ORC3: variants seen among roughly 807,000 people sequenced by gnomAD.
ORC3 encodes origin recognition complex subunit 3.
Under a neutral mutation model 100.7 loss-of-function variants are expected in ORC3, and 78 were observed. That is an observed-to-expected ratio of 0.77 (90% CI 0.65 to 0.94). ORC3 has a LOEUF of 0.94. Ranked by LOEUF, ORC3 falls within the 40% of genes least tolerant of loss-of-function variation. The probability of loss-of-function intolerance (pLI) is 0.00; values close to 1 mark genes in which losing one functional copy is unlikely to be tolerated. For missense variants in ORC3, 789 were observed against 823.9 expected (o/e 0.96, Z 0.52); for synonymous variants, 295 against 289.3 (o/e 1.02, Z -0.20).
chr6:87,617,895 C>A (rs1168145369), intron 9 of ORC3, among the ~76,000 whole-genome samples: 1 of 152,082 alleles, frequency 6.6e-6, no homozygotes, highest in East Asian at 1.9e-4. Context: ...GCAGTGGTTT[C>A]TTTGGCTAAT....
At chr6:87,611,063 A>G (rs925475891) in intron 7 of ORC3, among the ~76,000 whole-genome samples, 10 of 151,192 alleles carry the variant, frequency 6.6e-5, no homozygotes, top group African/African-American at 7.3e-5. Context: ...CAGGTCCCCA[A>G]GTAGCTAGGA....
the ORC3 span, among the ~76,000 whole-genome samples, chr6:87,676,162 A>C: frequency 3.4e-5 from 3 of 89,044 alleles, no homozygotes; most frequent in Non-Finnish European, 6.2e-5. Context: ...AGATTTATTT[A>C]TTTCCTAACA....
chr6:87,602,500 A>G (rs1372994673), intron 3 of ORC3, among the ~76,000 whole-genome samples: 1 of 147,976 alleles, frequency 6.8e-6, no homozygotes, highest in Non-Finnish European at 1.5e-5. Flanking sequence ...ACAGTGTTGT[A>G]GTTTTTGGTT....
intron 12 of ORC3, among the ~76,000 whole-genome samples, chr6:87,636,106 G>C (rs1767803780): frequency 6.6e-6 from 1 of 151,786 alleles, no homozygotes; most frequent in South Asian, 2.1e-4. Flanking sequence ...CTAGTTTTTT[G>C]TATTTTTATT....
intron 9 of ORC3, among the ~76,000 whole-genome samples, chr6:87,619,952 C>T (rs1035695247): frequency 1.3e-5 from 2 of 152,198 alleles, no homozygotes; most frequent in African/African-American, 4.8e-5. Flanking sequence ...ATCTTAGTTT[C>T]CTGAGTAACT....
intron 14 of ORC3, among the ~76,000 whole-genome samples, chr6:87,653,884 G>T (rs1339772437): frequency 2.0e-5 from 3 of 152,122 alleles, no homozygotes; most frequent in African/African-American, 7.2e-5. Flanking sequence ...AATGCTTAGG[G>T]TGTCTGATTG....
intron 13 of ORC3, among the ~76,000 whole-genome samples, chr6:87,639,378 A>G (rs1300791022): frequency 6.6e-6 from 1 of 152,098 alleles, no homozygotes; most frequent in Non-Finnish European, 1.5e-5. Flanking sequence ...TCTTACCCCC[A>G]CCATAGTGGC....
At chr6:87,601,173 CATT>C (rs1490935148) in intron 2 of ORC3, among the ~76,000 whole-genome samples, 2 of 151,806 alleles carry the variant, frequency 1.3e-5, no homozygotes, top group Admixed American at 1.3e-4. Context: ...ATAATGAAAA[CATT>C]ATTAAATGTA....
chr6:87,658,796 A>T (rs1457903716), intron 16 of ORC3, among the ~76,000 whole-genome samples: 1 of 152,206 alleles, frequency 6.6e-6, no homozygotes, highest in Admixed American at 6.5e-5. Context: ...CACTAAATTT[A>T]TGTTGAGACA....
At chr6:87,661,601 GAAGAA>G (rs1453622324) in intron 16 of ORC3, among the ~76,000 whole-genome samples, 1 of 152,106 alleles carries the variant, frequency 6.6e-6, no homozygotes, top group African/African-American at 2.4e-5. Flanking sequence ...ATCCTCTCCA[GAAGAA>G]GAGAAAGGAT....
Position 87,609,197 on chromosome 6 carries a change from A to G in ORC3, c.681A>G (p.Thr227=). ...VILKDMESFA[T]KVLQDFIIIS... ...TGAAGGATATGGAAAGCTTTGCCAC[A>G]AAAGTACTACAAGACTTCATAATTA... The change falls in exon 7 of 20, where the codon ACA becomes ACG. Residue 227 remains threonine, a synonymous_variant. Coordinates refer to ENST00000392844, the MANE Select transcript of ORC3 (RefSeq NM_012381.4). The G allele has an allele frequency of 6.2e-7, 1 of 1,609,720 alleles. No homozygotes were observed. The highest frequency in any genetic ancestry group is 8.5e-7 in the Non-Finnish European group (1 of 1,178,712).
chr6:87,653,908 A>G (rs562161028), intron 14 of ORC3, among the ~76,000 whole-genome samples: 1 of 152,270 alleles, frequency 6.6e-6, no homozygotes, highest in Non-Finnish European at 1.5e-5. Flanking sequence ...ATAGGTAGCC[A>G]TGTTCTGTTC....
At chr6:87,646,376 A>T (rs1404493195) in intron 13 of ORC3, among the ~76,000 whole-genome samples, 3 of 151,672 alleles carry the variant, frequency 2.0e-5, no homozygotes, top group Non-Finnish European at 2.9e-5. Context: ...CATTTTTTTT[A>T]TTTCTCTTTA....
At chr6:87,631,176 A>G (rs1441365136) in intron 11 of ORC3, among the ~76,000 whole-genome samples, 1 of 151,738 alleles carries the variant, frequency 6.6e-6, no homozygotes, top group African/African-American at 2.4e-5. Context: ...GGCATGAGCC[A>G]CTATGCCATG....
At chr6:87,664,261 A>G (rs1167868623) in intron 17 of ORC3, among the ~76,000 whole-genome samples, 1 of 152,070 alleles carries the variant, frequency 6.6e-6, no homozygotes, top group Non-Finnish European at 1.5e-5. Context: ...AGAAACACTG[A>G]TGGTTTCTAT....
At chr6:87,595,776 T>C (rs547151622) in intron 2 of ORC3, among the ~76,000 whole-genome samples, 1 of 152,194 alleles carries the variant, frequency 6.6e-6, no homozygotes, top group Non-Finnish European at 1.5e-5. Flanking sequence ...GACATACGCA[T>C]ACTCACACAC....
intron 7 of ORC3, chr6:87,609,438 G>T: frequency 4.8e-6 from 2 of 417,814 alleles, no homozygotes; most frequent in Non-Finnish European, 4.2e-6. Flanking sequence ...CATTTAGCCA[G>T]TTTTAAATTG....
intron 11 of ORC3, among the ~76,000 whole-genome samples, chr6:87,625,858 T>G (rs183579550): frequency 2.7e-4 from 41 of 152,352 alleles, no homozygotes; most frequent in Non-Finnish European, 5.4e-4. Context: ...TTGAATGATT[T>G]TTTTATAAGG....
intron 13 of ORC3, among the ~76,000 whole-genome samples, chr6:87,651,612 T>TA (rs1462582364): frequency 6.6e-5 from 10 of 152,302 alleles, no homozygotes; most frequent in African/African-American, 2.2e-4. Context: ...TTTATACTTT[T>TA]AAAAAAACCC....
Sources: allele counts gnomAD v4.1 joint callset (sites outside exome capture counted in the v4.1 genomes callset), GRCh38; gene constraint gnomAD v4.1.1; transcripts MANE v1.5; gene names NCBI Gene and HGNC (gene_info 2026-07-23, HGNC 2026-07-21).